Variants in CYTH3 observed in about 807,000 individuals in gnomAD.
CYTH3 encodes cytohesin-3.
Under a neutral mutation model 55.1 loss-of-function variants are expected in CYTH3, and 23 were observed. The observed-to-expected ratio is 0.42, with a 90% CI of 0.30 to 0.59. CYTH3 has a LOEUF of 0.59. Among genes scored for constraint, CYTH3 ranks in the 20% least tolerant of loss-of-function variants. The probability of loss-of-function intolerance (pLI) is 0.20; values close to 1 mark genes in which losing one functional copy is unlikely to be tolerated. For synonymous variants in CYTH3, 249 were observed against 194.9 expected (o/e 1.28, Z -2.31); for missense variants, 413 against 524.8 (o/e 0.79, Z 2.08).
chr7:6,237,560 T>A (rs1030254653), intron 1 of CYTH3, among the ~76,000 whole-genome samples: 2 of 151,830 alleles, frequency 1.3e-5, no homozygotes, highest in Non-Finnish European at 2.9e-5. Flanking sequence ...ATACAAAAAT[T>A]AGCCAGGCAT....
Position 6,163,061 on chromosome 7 carries a change from CTAA to C in CYTH3, c.*1880_*1882del, listed in dbSNP as rs1235971563. Reference sequence around the variant, plus strand: ...GAACGCTGACTTGCCTTTCTCAGAACTAAAACTTCCGATTTGAGGTATCAGTAA... The same window carrying C: ...GAACGCTGACTTGCCTTTCTCAGAACAACTTCCGATTTGAGGTATCAGTAA... On this transcript the variant is annotated 3_prime_UTR_variant, in exon 13 of 13. Transcript: ENST00000350796. The C allele has an allele frequency of 6.5e-6, 1 of 152,714 alleles. No homozygotes were observed. The highest frequency in any genetic ancestry group is 2.4e-5 in the African/African-American group (1 of 41,472). 9.5% of individuals were successfully genotyped at this position (152,714 alleles called of 1,614,324 possible). A position where few individuals can be genotyped will look rare whatever the true frequency, so the allele number is the denominator to read the frequency against.
intron 9 of CYTH3, among the ~76,000 whole-genome samples, chr7:6,166,618 G>A (rs1583726829): frequency 6.6e-6 from 1 of 152,282 alleles, no homozygotes; most frequent in South Asian, 2.1e-4. Flanking sequence ...AGGGCTCTGT[G>A]GATGGATCAC....
intron 2 of CYTH3, 103 bp downstream of exon 2, chr7:6,190,346 G>GTTTT: frequency 4.8e-6 from 3 of 627,118 alleles, no homozygotes; most frequent in Non-Finnish European, 4.5e-6. Context: ...TTGTTTTTGG[G>GTTTT]TTTTTTTTTT....
chr7:6,233,866 CG>C (rs2128554053), intron 1 of CYTH3, among the ~76,000 whole-genome samples: 1 of 152,078 alleles, frequency 6.6e-6, no homozygotes, highest in Non-Finnish European at 1.5e-5. Context: ...ATCCAGGTGC[CG>C]GCGGATTCAG....
chr7:6,231,035 C>A (rs1009130499), intron 1 of CYTH3, among the ~76,000 whole-genome samples: 1 of 152,188 alleles, frequency 6.6e-6, no homozygotes, highest in Admixed American at 6.5e-5. Context: ...CCCAGCCACT[C>A]GGCTCCCTGA....
At chr7:6,190,393 TACTCAAAAGCAAAAAACAGA>T in intron 2 of CYTH3, 36 bp downstream of exon 2, 1 of 1,320,844 alleles carries the variant, frequency 7.6e-7, no homozygotes, top group Non-Finnish European at 9.9e-7. Flanking sequence ...TTTACTATTT[TACTCAAAAGCAAAAAACAGA>T]GTTTTGGATT....
At chr7:6,193,280 C>A (rs1159485723) in intron 1 of CYTH3, among the ~76,000 whole-genome samples, 1 of 148,946 alleles carries the variant, frequency 6.7e-6, no homozygotes, top group African/African-American at 2.5e-5. Context: ...CAAGGAAATA[C>A]AAATTAAAAT....
chr7:6,165,232 C>A (rs200855765), intron 12 of CYTH3, 41 bp downstream of exon 12: 14 of 1,585,718 alleles, frequency 8.8e-6, no homozygotes, highest in Admixed American at 1.8e-5. Flanking sequence ...CCAACCGGCA[C>A]GAGAAGACGG....
chr7:6,221,127 G>C (rs564004124), intron 1 of CYTH3, among the ~76,000 whole-genome samples: 1 of 152,072 alleles, frequency 6.6e-6, no homozygotes, highest in Non-Finnish European at 1.5e-5. Flanking sequence ...AACTTTACTC[G>C]TAATATCCTA....
chr7:6,196,932 G>C (rs1029897380), intron 1 of CYTH3, among the ~76,000 whole-genome samples: 3 of 152,140 alleles, frequency 2.0e-5, no homozygotes, highest in Admixed American at 1.3e-4. Context: ...AAAAATAAGA[G>C]CCTGCAAGGG....
intron 1 of CYTH3, among the ~76,000 whole-genome samples, chr7:6,271,624 G>T (rs1242066468): frequency 1.3e-5 from 2 of 152,104 alleles, no homozygotes; most frequent in African/African-American, 4.8e-5. Context: ...TTCCCAGCAT[G>T]ACCCAGCAGT....
chr7:6,258,850 A>G (rs1044736962), intron 1 of CYTH3, among the ~76,000 whole-genome samples: 5 of 152,234 alleles, frequency 3.3e-5, no homozygotes, highest in Non-Finnish European at 7.3e-5. Flanking sequence ...ATAGCTCAAT[A>G]ATTACCGCTT....
intron 1 of CYTH3, among the ~76,000 whole-genome samples, chr7:6,227,599 A>G (rs934679957): frequency 6.6e-6 from 1 of 152,114 alleles, no homozygotes; most frequent in Non-Finnish European, 1.5e-5. Flanking sequence ...CAGGGCCCTT[A>G]CTCTACACAA....
chr7:6,250,065 C>T (rs1352346405), intron 1 of CYTH3, among the ~76,000 whole-genome samples: 1 of 152,114 alleles, frequency 6.6e-6, no homozygotes, highest in Non-Finnish European at 1.5e-5. Flanking sequence ...TTGGGGTGAA[C>T]AGGGGATGGA....
At chr7:6,263,262 G>A (rs920296530) in intron 1 of CYTH3, among the ~76,000 whole-genome samples, 5 of 152,188 alleles carry the variant, frequency 3.3e-5, no homozygotes, top group African/African-American at 1.2e-4. Context: ...CATGAGATAG[G>A]TAAATATTTA....
At chr7:6,272,409 C>CGGGG in intron 1 of CYTH3, 65 bp downstream of exon 1, 18 of 1,212,344 alleles carry the variant, frequency 1.5e-5, no homozygotes, top group African/African-American at 3.3e-5. Flanking sequence ...GCCGCGCCCT[C>CGGGG]GACCCCCAGC....
rs911968980 is a variant in CYTH3 at position 6,163,779 on chromosome 7, GTT to G, written c.*1163_*1164del. On this transcript the variant is annotated 3_prime_UTR_variant, in exon 13 of 13. Coordinates refer to ENST00000350796, the MANE Select transcript of CYTH3 (RefSeq NM_004227.4). ...ACGGCGCACTACATGGGGTGAGACT[GTT>G]TTTAGTTAATTCTGTGTCTATTCAT... The G allele has an allele frequency of 2.0e-5, 3 of 152,182 alleles. No individual in the cohort carries two copies. The highest frequency in any genetic ancestry group is 7.2e-5 in the African/African-American group (3 of 41,438). The allele number at this position is 152,182 out of a possible 1,614,324, so 9.4% of individuals were successfully genotyped here. A position where few individuals can be genotyped will look rare whatever the true frequency, so the allele number is the denominator to read the frequency against.
At chr7:6,255,608 CT>C (rs949974134) in intron 1 of CYTH3, among the ~76,000 whole-genome samples, 1 of 152,042 alleles carries the variant, frequency 6.6e-6, no homozygotes, top group Non-Finnish European at 1.5e-5. Flanking sequence ...GGTCCAGCAC[CT>C]CATCAAGATA....
At chr7:6,229,015 T>C (rs1451722713) in intron 1 of CYTH3, among the ~76,000 whole-genome samples, 1 of 152,144 alleles carries the variant, frequency 6.6e-6, no homozygotes. Flanking sequence ...AGCCACTGTG[T>C]AGACATATGA....
Sources: gnomAD v4.1 joint callset for allele counts (sites outside exome capture counted in the v4.1 genomes callset) on GRCh38, gnomAD v4.1.1 for gene constraint, MANE v1.5 for transcripts, NCBI Gene and HGNC (gene_info 2026-07-23, HGNC 2026-07-21) for gene names.